Variants in PPP2R2A observed in about 807,000 individuals in gnomAD.
PPP2R2A encodes protein phosphatase 2 regulatory subunit Balpha.
In PPP2R2A, 9 loss-of-function variants were observed where a neutral mutation model predicts 53.2. That is an observed-to-expected ratio of 0.17 (90% CI 0.10 to 0.30). PPP2R2A has a LOEUF of 0.30. Ranked by LOEUF, PPP2R2A falls within the 10% of genes least tolerant of loss-of-function variation. The probability of loss-of-function intolerance (pLI) is 1.00; values close to 1 mark genes in which losing one functional copy is unlikely to be tolerated. For synonymous variants in PPP2R2A, 169 were observed against 174.2 expected, an observed-to-expected ratio of 0.97 and a Z score of 0.23; for missense variants, 235 against 534.6, an observed-to-expected ratio of 0.44 and a Z score of 5.53.
chr8:26,300,775 T>C (rs1407771499), intron 2 of PPP2R2A, among the ~76,000 whole-genome samples: 4 of 152,138 alleles, frequency 2.6e-5, no homozygotes, highest in Non-Finnish European at 5.9e-5. Context: ...TGCTTGAACC[T>C]GGGAGGTGGA....
chr8:26,301,795 C>T (rs959860095), intron 2 of PPP2R2A, among the ~76,000 whole-genome samples: 10 of 152,170 alleles, frequency 6.6e-5, no homozygotes, highest in African/African-American at 2.4e-4. Context: ...CACAGTAGTA[C>T]TCAGGTGATA....
intron 2 of PPP2R2A, among the ~76,000 whole-genome samples, chr8:26,317,933 G>A (rs955506163): frequency 1.6e-4 from 24 of 152,184 alleles, no homozygotes; most frequent in Admixed American, 5.2e-4. Context: ...TCTAGCCCAT[G>A]GGGGAGAAAA....
At chr8:26,334,486 C>G (rs931072241) in intron 2 of PPP2R2A, among the ~76,000 whole-genome samples, 1 of 152,110 alleles carries the variant, frequency 6.6e-6, no homozygotes, top group Non-Finnish European at 1.5e-5. Flanking sequence ...TGGCTCACGC[C>G]TGAAATTCCA....
chr8:26,319,706 G>C (rs553190193), intron 2 of PPP2R2A, among the ~76,000 whole-genome samples: 37 of 152,200 alleles, frequency 2.4e-4, no homozygotes, highest in African/African-American at 8.7e-4. Flanking sequence ...CTATTCCATT[G>C]ATAGAACCCA....
chr8:26,295,050 C>A (rs1222051294), intron 2 of PPP2R2A, among the ~76,000 whole-genome samples: 1 of 152,154 alleles, frequency 6.6e-6, no homozygotes, highest in Non-Finnish European at 1.5e-5. Context: ...CATGTTGTAA[C>A]TACATTACCT....
At chr8:26,341,118 G>A (rs1803918816) in intron 3 of PPP2R2A, among the ~76,000 whole-genome samples, 2 of 152,096 alleles carry the variant, frequency 1.3e-5, no homozygotes, top group Non-Finnish European at 2.9e-5. Context: ...TCAGTAACAT[G>A]TCTTTTGAGA....
chr8:26,294,412 T>G (rs908008145), intron 2 of PPP2R2A, among the ~76,000 whole-genome samples: 4 of 152,250 alleles, frequency 2.6e-5, no homozygotes, highest in Admixed American at 6.5e-5. Context: ...AAATTTATTT[T>G]CTAACGTGTT....
chr8:26,323,784 G>C (rs1376225941), intron 2 of PPP2R2A, among the ~76,000 whole-genome samples: 1 of 152,086 alleles, frequency 6.6e-6, no homozygotes, highest in East Asian at 1.9e-4. Context: ...AAACTCCGTG[G>C]AGGCTTCATT....
chr8:26,366,294 A>G (rs1420327949), intron 8 of PPP2R2A, 21 bp from the exon 9 acceptor site: 15 of 1,567,588 alleles, frequency 9.6e-6, no homozygotes, highest in East Asian at 4.5e-5. Flanking sequence ...TCAGTGCAGT[A>G]TATTTGTATT....
At chr8:26,344,664 C>T (rs747927173) in intron 3 of PPP2R2A, among the ~76,000 whole-genome samples, 10 of 152,322 alleles carry the variant, frequency 6.6e-5, no homozygotes, top group Non-Finnish European at 1.5e-4. Context: ...TCTGTCCAGA[C>T]TGCCATCAGA....
intron 2 of PPP2R2A, among the ~76,000 whole-genome samples, chr8:26,319,367 C>T (rs1430990077): frequency 6.6e-6 from 1 of 152,056 alleles, no homozygotes; most frequent in Non-Finnish European, 1.5e-5. Flanking sequence ...CTGTGTTTAA[C>T]TTTTTAGGAA....
chr8:26,333,777 G>A (rs1419473397), intron 2 of PPP2R2A, among the ~76,000 whole-genome samples: 1 of 152,122 alleles, frequency 6.6e-6, no homozygotes, highest in Non-Finnish European at 1.5e-5. Flanking sequence ...TAAGGAAACG[G>A]CCTTATGAAG....
At chr8:26,337,801 C>G (rs1803743328) in intron 2 of PPP2R2A, among the ~76,000 whole-genome samples, 2 of 152,096 alleles carry the variant, frequency 1.3e-5, no homozygotes, top group African/African-American at 4.8e-5. Flanking sequence ...TTGGTAGATT[C>G]TGAAAGAGTT....
chr8:26,342,775 T>G (rs1044207856), intron 3 of PPP2R2A, among the ~76,000 whole-genome samples: 1 of 152,208 alleles, frequency 6.6e-6, no homozygotes, highest in Non-Finnish European at 1.5e-5. Flanking sequence ...CCAAAATTCC[T>G]TAACAGGATA....
chr8:26,340,081 A>G lies in PPP2R2A; in HGVS notation c.180+1094A>G, dbSNP rs528392248. 3 of 152,208 alleles carry G rather than the reference A, an allele frequency of 2.0e-5. No individual in the cohort carries two copies. The East Asian group carries it at 5.8e-4, about 29-fold the overall frequency. The allele number at this position is 152,208 out of a possible 1,614,324, so 9.4% of individuals were successfully genotyped here. On this transcript the variant is annotated intron_variant, in intron 3 of 9. Transcript: ENST00000380737. ...TTTTCGTTTGGAAGAAAATATGAAA[A>G]TAAGACTCAAGCTTTGCTTGACAAA...
At position 26,360,626 on chromosome 8, in the gene PPP2R2A, TA is replaced by T; in HGVS notation, c.460-342del. ...ACAGATCAAATCTTCTAGTTGTAGC[TA>T]AAAAATACCAAGAATTAGATGTTAT... is the stretch of plus-strand genomic sequence containing the variant. On this transcript the variant is annotated intron_variant, in intron 5 of 9. Transcript: ENST00000380737. This position sits in a 1 kb window ranked among gnomAD's most constrained non-coding sequence, Gnocchi z 4.5. The T allele has an allele frequency of 3.4e-6, 1 of 290,112 alleles. No individual in the cohort carries two copies. The highest frequency in any genetic ancestry group is 6.3e-6 in the Non-Finnish European group (1 of 159,394). 18.0% of individuals were successfully genotyped at this position (290,112 alleles called of 1,614,324 possible).
At position 26,329,060 on chromosome 8, in the gene PPP2R2A, A is replaced by G. The variant is rs992447701; in HGVS notation, c.83-9830A>G. Among the ~76,000 whole-genome samples the G allele has an allele frequency of 4.6e-5, 7 of 152,186 alleles. No individual in the cohort carries two copies. In the East Asian group the frequency reaches 1.3e-3, roughly 29 times the overall value. On this transcript the variant is annotated intron_variant, in intron 2 of 9. Coordinates refer to ENST00000380737, the MANE Select transcript of PPP2R2A (RefSeq NM_002717.4). ...TAATTGTATCTTTTTTATGAACATA[A>G]TGCCATCTTAAATATTTACATATTT...
chr8:26,300,301 A>C (rs1322258674), intron 2 of PPP2R2A, among the ~76,000 whole-genome samples: 3 of 152,232 alleles, frequency 2.0e-5, no homozygotes, highest in Admixed American at 6.5e-5. Context: ...AGGTTGAAGC[A>C]AAAATGTATT....
In PPP2R2A at chr8:26,360,175, C is replaced by T; in HGVS notation, c.353C>T (p.Thr118Ile). 1.3e-6 allele frequency: 2 copies of T among 1,571,128 alleles called. No individual in the cohort carries two copies. Among genetic ancestry groups the T allele is most frequent in the Non-Finnish European group, 1.7e-6 (2 of 1,149,220 alleles). The change falls in exon 5 of 10, where the codon ACA becomes ATA. Residue 118 changes from threonine (T) to isoleucine (I), a missense_variant. Physicochemically the swap from Thr to Ile is moderately conservative, Grantham distance 89. Transcript: ENST00000380737. This position sits in a 1 kb window ranked among gnomAD's most constrained non-coding sequence, Gnocchi z 4.5. The stretch of plus-strand genomic sequence containing the variant: ...TTCTTTATTTTCTTCCCAGATAAAA[C>T]AATAAAATTATGGAAAATCAGTGAA... The part of the protein sequence containing the change: ...AQFLLSTNDK[T>I]IKLWKISERD...
Sources: allele counts gnomAD v4.1 joint callset (sites outside exome capture counted in the v4.1 genomes callset), GRCh38; gene constraint gnomAD v4.1.1; non-coding constraint Gnocchi (gnomAD v3.1); transcripts MANE v1.5; gene names NCBI Gene and HGNC (gene_info 2026-07-23, HGNC 2026-07-21).